TRMT44: variants seen among roughly 807,000 people sequenced by gnomAD.
TRMT44 encodes the protein probable tRNA (uracil-O(2)-)-methyltransferase.
A neutral mutation model predicts 77.3 loss-of-function variants in TRMT44; 78 were observed. The observed-to-expected ratio is 1.01, with a 90% CI of 0.84 to 1.22. The LOEUF is 1.22. Ranked by LOEUF, TRMT44 falls within the 50% of genes most tolerant of loss-of-function variation. The pLI is 0.00. For synonymous variants in TRMT44, 391 were observed against 383.3 expected (o/e 1.02, Z -0.23); for missense variants, 1,090 against 964.4 (o/e 1.13, Z -1.73).
At chr4:8,459,880 G>C (rs1240782060) in intron 6 of TRMT44, among the ~76,000 whole-genome samples, 2 of 152,210 alleles carry the variant, frequency 1.3e-5, no homozygotes, top group Non-Finnish European at 2.9e-5. Context: ...CGAGGGTGGT[G>C]GCAGGTGCTG....
chr4:8,475,483 G>C (rs1000046229), intron 10 of TRMT44, among the ~76,000 whole-genome samples: 1 of 152,152 alleles, frequency 6.6e-6, no homozygotes, highest in Non-Finnish European at 1.5e-5. Flanking sequence ...TGGGACACTC[G>C]GGTTTGCTGC....
At chr4:8,475,029 C>T (rs1271959490) in intron 10 of TRMT44, among the ~76,000 whole-genome samples, 1 of 152,186 alleles carries the variant, frequency 6.6e-6, no homozygotes, top group African/African-American at 2.4e-5. Flanking sequence ...TGCACATAGG[C>T]AGGTCCCCCT....
downstream of TRMT44, among the ~76,000 whole-genome samples, chr4:8,495,193 G>A (rs1469958362): frequency 2.6e-5 from 4 of 152,356 alleles, no homozygotes; most frequent in South Asian, 8.3e-4. Flanking sequence ...GCCCCTGTCT[G>A]TTCCTCACAG....
intron 2 of TRMT44, among the ~76,000 whole-genome samples, chr4:8,488,422 G>A (rs1231384217): frequency 6.6e-6 from 1 of 152,220 alleles, no homozygotes; most frequent in Non-Finnish European, 1.5e-5. Flanking sequence ...GAAAATTACA[G>A]TCAAAGGAGG....
the TRMT44 span, among the ~76,000 whole-genome samples, chr4:8,501,168 G>A: frequency 6.6e-6 from 1 of 152,226 alleles, no homozygotes; most frequent in Non-Finnish European, 1.5e-5. This position sits in a 1 kb window ranked among gnomAD's most constrained non-coding sequence, Gnocchi z 4.4. Context: ...GCAATTCCAT[G>A]TGCTGGGGAT....
At chr4:8,494,306 C>T (rs1728092877), downstream of TRMT44, among the ~76,000 whole-genome samples, 1 of 152,262 alleles carries the variant, frequency 6.6e-6, no homozygotes, top group Admixed American at 6.5e-5. Flanking sequence ...TGTTAAATTT[C>T]ACCCTCACAA....
Position 8,476,135 on chromosome 4 carries a change from C to T in TRMT44, c.*134C>T. The T allele has an allele frequency of 1.3e-6, 1 of 750,734 alleles. No individual in the cohort carries two copies. The highest frequency in any genetic ancestry group is 1.8e-5 in the South Asian group (1 of 56,338). The allele number at this position is 750,734 out of a possible 1,614,324, so 46.5% of individuals were successfully genotyped here. A position where few individuals can be genotyped will look rare whatever the true frequency, so the allele number is the denominator to read the frequency against. On this transcript the variant is annotated 3_prime_UTR_variant, in exon 11 of 11. Transcript: ENST00000389737. ...CCTCCCAGCTTTCTCCACATCCTCA[C>T]AGTGATGAACCGTATTTCATAAACA...
At chr4:8,495,011 T>A (rs1728110536), downstream of TRMT44, among the ~76,000 whole-genome samples, 1 of 151,924 alleles carries the variant, frequency 6.6e-6, no homozygotes, top group African/African-American at 2.4e-5. Context: ...TTTCACCAGC[T>A]CCCAGCTGCT....
chr4:8,467,713 T>G (rs542855303), intron 8 of TRMT44, among the ~76,000 whole-genome samples: 15 of 152,326 alleles, frequency 9.8e-5, no homozygotes, highest in African/African-American at 2.9e-4. Flanking sequence ...ACTCAAGTGA[T>G]CCGCCTGCCT....
At chr4:8,489,460 C>CATTTTGTTTTGTTTT (rs60190185) in intron 2 of TRMT44, among the ~76,000 whole-genome samples, 1 of 150,338 alleles carries the variant, frequency 6.7e-6, no homozygotes, top group Non-Finnish European at 1.5e-5. Context: ...GTTTTGTTTT[C>CATTTTGTTTTGTTTT]GTTTTGTTTT....
chr4:8,475,480 C>G (rs1433182030), intron 10 of TRMT44, among the ~76,000 whole-genome samples: 2 of 152,196 alleles, frequency 1.3e-5, no homozygotes, highest in African/African-American at 2.4e-5. Context: ...TCCTGGGACA[C>G]TCGGGTTTGC....
chr4:8,470,924 T>C (rs1726946690), intron 9 of TRMT44, 160 bp from the exon 10 acceptor site: 1 of 574,918 alleles, frequency 1.7e-6, no homozygotes, highest in East Asian at 3.0e-5. Context: ...CACGGTTTGG[T>C]GCGGTGTGGT....
At chr4:8,487,260 G>C (rs1727839053) in intron 2 of TRMT44, among the ~76,000 whole-genome samples, 1 of 152,130 alleles carries the variant, frequency 6.6e-6, no homozygotes, top group African/African-American at 2.4e-5. Flanking sequence ...AGCTGAAGAG[G>C]TTTTAAGTTC....
intron 7 of TRMT44, among the ~76,000 whole-genome samples, chr4:8,465,012 A>G (rs1172877207): frequency 6.6e-6 from 1 of 152,186 alleles, no homozygotes; most frequent in Non-Finnish European, 1.5e-5. Context: ...GGAGCTAAAC[A>G]TTGAGTACAC....
At chr4:8,484,590 C>T (rs534427878) in intron 2 of TRMT44, among the ~76,000 whole-genome samples, 1 of 152,286 alleles carries the variant, frequency 6.6e-6, no homozygotes, top group South Asian at 2.1e-4. Context: ...AGAATTCCTA[C>T]TGCACAGCCC....
intron 2 of TRMT44, among the ~76,000 whole-genome samples, chr4:8,447,013 G>T (rs891378709): frequency 6.6e-6 from 1 of 152,108 alleles, no homozygotes; most frequent in East Asian, 1.9e-4. Context: ...AGTCTGCACA[G>T]TACAGGCACC....
At chr4:8,503,227 G>A in the TRMT44 span, among the ~76,000 whole-genome samples, 19 of 152,308 alleles carry the variant, frequency 1.2e-4, no homozygotes, top group African/African-American at 2.4e-4. Flanking sequence ...GTGTTCTCCC[G>A]CTCTGCACAC....
intron 2 of TRMT44, among the ~76,000 whole-genome samples, chr4:8,492,775 A>G (rs544844951): frequency 6.6e-6 from 1 of 152,196 alleles, no homozygotes; most frequent in Non-Finnish European, 1.5e-5. Context: ...CAGAAACTCA[A>G]AAGAATGCAA....
chr4:8,497,517 C>T (rs545704793), downstream of TRMT44, among the ~76,000 whole-genome samples: 3 of 152,202 alleles, frequency 2.0e-5, no homozygotes, highest in East Asian at 1.9e-4. Context: ...TGGTGGCAGG[C>T]GCCTGTAGTC....
Sources: allele counts gnomAD v4.1 joint callset (sites outside exome capture counted in the v4.1 genomes callset), GRCh38; gene constraint gnomAD v4.1.1; non-coding constraint Gnocchi (gnomAD v3.1); transcripts MANE v1.5; gene names NCBI Gene and HGNC (gene_info 2026-07-23, HGNC 2026-07-21).